Variants in NLGN1 observed in about 807,000 individuals in gnomAD.
NLGN1 encodes the protein neuroligin 1, also known as neuroligin-1.
Under a neutral mutation model 65.5 loss-of-function variants are expected in NLGN1, and 12 were observed. The ratio of observed to expected loss-of-function variants is 0.18; its 90% confidence interval spans 0.12 to 0.30. The LOEUF is 0.30. NLGN1 is among the 10% of genes least tolerant of loss of function. The pLI is 1.00. For missense variants in NLGN1, 750 were observed against 1,007.1 expected (o/e 0.74, Z 3.46); for synonymous variants, 350 against 359.5 (o/e 0.97, Z 0.30).
At chr3:173,627,802 T>G (rs1755049871) in intron 3 of NLGN1, among the ~76,000 whole-genome samples, 1 of 152,054 alleles carries the variant, frequency 6.6e-6, no homozygotes, top group Non-Finnish European at 1.5e-5. Context: ...TTTAAGTTAT[T>G]CAAGCAGCTG....
In NLGN1 at chr3:173,932,017, C is replaced by CTGTTT. The variant is rs113507013; in HGVS notation, c.646+124212_646+124216dup. On this transcript the variant is annotated intron_variant, in intron 4 of 6. Coordinates refer to ENST00000457714, the Ensembl canonical transcript of NLGN1. Reference sequence around the variant, plus strand: ...GTTTTGTTTTGTTTTAATTTTTTTTCTGTTTTGTTTTGTTTTGTTTTGTTT... The same window carrying CTGTTT: ...GTTTTGTTTTGTTTTAATTTTTTTTCTGTTTTGTTTTGTTTTGTTTTGTTTTGTTT... Among the ~76,000 whole-genome samples, 339 of 151,826 alleles carry CTGTTT rather than the reference C, an allele frequency of 2.2e-3. 1 individual carries two copies. The highest frequency in any genetic ancestry group is 4.9e-3 in the African/African-American group (203 of 41,452).
At chr3:173,664,492 A>G (rs1761423651) in intron 3 of NLGN1, among the ~76,000 whole-genome samples, 1 of 152,132 alleles carries the variant, frequency 6.6e-6, no homozygotes. Flanking sequence ...TGATAAGGAA[A>G]TTGGTAGCTT....
At chr3:173,871,400 A>C (rs887936586) in intron 4 of NLGN1, among the ~76,000 whole-genome samples, 2 of 152,218 alleles carry the variant, frequency 1.3e-5, no homozygotes, top group African/African-American at 4.8e-5. Flanking sequence ...GATAACAGGA[A>C]GTATGAAATT....
intron 4 of NLGN1, among the ~76,000 whole-genome samples, chr3:173,870,878 T>C (rs1356933501): frequency 6.6e-6 from 1 of 152,146 alleles, no homozygotes; most frequent in Non-Finnish European, 1.5e-5. Context: ...TTGAACCCAT[T>C]TCTTGACACA....
chr3:173,759,054 C>T (rs980740265), intron 3 of NLGN1, among the ~76,000 whole-genome samples: 6 of 151,852 alleles, frequency 4.0e-5, no homozygotes, highest in Non-Finnish European at 5.9e-5. Flanking sequence ...TTTTCTTCTA[C>T]ATCCCACATT....
At chr3:173,455,879 G>A (rs75956625) in intron 2 of NLGN1, among the ~76,000 whole-genome samples, 4,227 of 151,022 alleles carry the variant, frequency 0.028, 205 homozygotes, top group African/African-American at 0.095. Flanking sequence ...AGTGTAGTTC[G>A]AAGGCCTGAG....
At chr3:173,824,065 A>C (rs2150552046) in intron 4 of NLGN1, among the ~76,000 whole-genome samples, 1 of 152,172 alleles carries the variant, frequency 6.6e-6, no homozygotes, top group African/African-American at 2.4e-5. Flanking sequence ...TGGCTGTTAC[A>C]GCTGAAAGAG....
chr3:173,439,336 G>T (rs1718720509), intron 2 of NLGN1, among the ~76,000 whole-genome samples: 1 of 152,038 alleles, frequency 6.6e-6, no homozygotes, highest in South Asian at 2.1e-4. Context: ...TAATCCAATG[G>T]ATGAATGGGA....
chr3:173,954,301 G>C (rs1008160309), intron 4 of NLGN1, among the ~76,000 whole-genome samples: 1 of 152,084 alleles, frequency 6.6e-6, no homozygotes, highest in Non-Finnish European at 1.5e-5. Flanking sequence ...ATGAAGCACA[G>C]ATGTAATCAT....
At chr3:173,607,579 A>T (rs918844205) in intron 3 of NLGN1, among the ~76,000 whole-genome samples, 1 of 151,690 alleles carries the variant, frequency 6.6e-6, no homozygotes, top group African/African-American at 2.4e-5. Context: ...AGTAGAAATC[A>T]TTTTTCCGAA....
At chr3:173,674,164 G>A (rs953354136) in intron 3 of NLGN1, among the ~76,000 whole-genome samples, 1 of 152,018 alleles carries the variant, frequency 6.6e-6, no homozygotes, top group Non-Finnish European at 1.5e-5. Context: ...CATAAATTTT[G>A]TTTAATTTTC....
At chr3:173,917,870 T>TGTGTG (rs10530688) in intron 4 of NLGN1, among the ~76,000 whole-genome samples, 2 of 151,908 alleles carry the variant, frequency 1.3e-5, no homozygotes, top group Non-Finnish European at 2.9e-5. Context: ...TGTGTGTGTG[T>TGTGTG]TGGCCTTTAT....
chr3:173,904,559 A>C (rs1048612680), intron 4 of NLGN1, among the ~76,000 whole-genome samples: 28 of 151,966 alleles, frequency 1.8e-4, no homozygotes, highest in Admixed American at 1.6e-3. Flanking sequence ...ATATGTGATA[A>C]ATAGGCCTAT....
intron 3 of NLGN1, among the ~76,000 whole-genome samples, chr3:173,641,507 G>C (rs764764290): frequency 2.6e-5 from 4 of 152,032 alleles, no homozygotes; most frequent in Non-Finnish European, 4.4e-5. Context: ...ATGTTGGCCC[G>C]GCTGGTCTCC....
At chr3:173,824,476 A>C (rs1036827222) in intron 4 of NLGN1, among the ~76,000 whole-genome samples, 7 of 152,106 alleles carry the variant, frequency 4.6e-5, no homozygotes, top group African/African-American at 1.4e-4. Context: ...AAAATTAAAT[A>C]AAGCAATGTG....
chr3:174,230,091 T>C (rs1196383707), intron 4 of NLGN1, among the ~76,000 whole-genome samples: 2 of 152,192 alleles, frequency 1.3e-5, no homozygotes, highest in African/African-American at 4.8e-5. Flanking sequence ...GGTCCATATA[T>C]GGCAGTGTGG....
At chr3:174,144,024 A>T (rs952749411) in intron 4 of NLGN1, among the ~76,000 whole-genome samples, 1 of 152,084 alleles carries the variant, frequency 6.6e-6, no homozygotes, top group Non-Finnish European at 1.5e-5. Flanking sequence ...CCATCAACCC[A>T]TCATCTACAT....
chr3:173,868,758 G>A (rs1485211337), intron 4 of NLGN1, among the ~76,000 whole-genome samples: 4 of 152,132 alleles, frequency 2.6e-5, no homozygotes, highest in Non-Finnish European at 5.9e-5. Context: ...ATCTGATTCA[G>A]TAGGTCATAG....
chr3:173,855,038 T>A (rs1727697004), intron 4 of NLGN1, among the ~76,000 whole-genome samples: 1 of 152,028 alleles, frequency 6.6e-6, no homozygotes. Context: ...CCATGCCACA[T>A]TTTTAACTGT....
Sources: allele counts gnomAD v4.1 joint callset (sites outside exome capture counted in the v4.1 genomes callset), GRCh38; gene constraint gnomAD v4.1.1; transcripts MANE v1.5; gene names NCBI Gene and HGNC (gene_info 2026-07-23, HGNC 2026-07-21).